Variants in CCDC191 observed in about 807,000 individuals in gnomAD.
CCDC191 encodes the protein coiled-coil domain containing 191, also known as coiled-coil domain-containing protein 191.
In CCDC191, 99 loss-of-function variants were observed where a neutral mutation model predicts 114.0. The ratio of observed to expected loss-of-function variants is 0.87; its 90% CI spans 0.74 to 1.03. CCDC191 has a LOEUF of 1.03. CCDC191 is among the 50% of genes least tolerant of loss of function. The pLI is 0.00. For synonymous variants in CCDC191, 351 were observed against 376.0 expected (o/e 0.93, Z 0.77); for missense variants, 973 against 1,087.0 (o/e 0.90, Z 1.47).
Position 114,042,834 on chromosome 3 carries a change from A to C in CCDC191, c.284T>G (p.Val95Gly). ...AAGTTTGGTGTCTAACCAGTCATTG[A>C]CCAGCTCCTGAGCTACAATAAAACA... Reference protein sequence around the residue: ...DEIYAEAQELVNDWLDTKLKQ... With the variant: ...DEIYAEAQELGNDWLDTKLKQ... Residue 95 changes from valine to glycine, a missense_variant, in exon 4 of 17, where the codon GTC becomes GGC. Physicochemically the swap from Val to Gly is moderately radical, Grantham distance 109. Transcript: ENST00000295878. The C allele has an allele frequency of 6.3e-7, 1 of 1,599,732 alleles. No individual in the cohort carries two copies. Among genetic ancestry groups the C allele is most frequent in the Non-Finnish European group, 8.5e-7 (1 of 1,175,438 alleles).
rs536409524 is a variant in CCDC191 at position 114,017,277 on chromosome 3, T to C, written c.1163+1401A>G. ...CCCATCTCTACCTAGGAACATCCTA[T>C]TGACCATGAAAAGCTCAGATCAAGG... On this transcript the variant is annotated intron_variant, in intron 8 of 16. Transcript: ENST00000295878. 5.4e-4 allele frequency among the ~76,000 whole-genome samples: 82 copies of C among 152,314 alleles called. No individual in the cohort carries two copies. In the Middle Eastern group the frequency reaches 0.01, roughly 19 times the overall value.
intron 7 of CCDC191, among the ~76,000 whole-genome samples, chr3:114,028,387 G>A (rs1331943815): frequency 2.0e-5 from 3 of 149,274 alleles, no homozygotes; most frequent in Non-Finnish European, 4.4e-5. Flanking sequence ...CTGGGTTCAC[G>A]CCATTCTCCT....
In CCDC191 at chr3:114,011,021, T is replaced by C. The variant is rs2076060827; in HGVS notation, c.1164A>G (p.Arg388=). The C allele has an allele frequency of 2.5e-6, 4 of 1,608,008 alleles. No individual in the cohort carries two copies. The highest frequency in any genetic ancestry group is 3.4e-6 in the Non-Finnish European group (4 of 1,176,706). The change falls in exon 9 of 17, where the codon AGA becomes AGG. Residue 388 remains arginine, a splice_region_variant and synonymous_variant. Transcript: ENST00000295878. Reference sequence around the variant, plus strand: ...TATACTCAGTGGCCAGTTGTTGTTTTCTAAGCAACAAAGCACTTCCATTAA... The same window carrying C: ...TATACTCAGTGGCCAGTTGTTGTTTCCTAAGCAACAAAGCACTTCCATTAA... ...ALENDLREEN[R]KQQLATEYNR...
At chr3:113,985,706 C>T (rs1347872369) in intron 13 of CCDC191, among the ~76,000 whole-genome samples, 1 of 152,088 alleles carries the variant, frequency 6.6e-6, no homozygotes, top group Non-Finnish European at 1.5e-5. Context: ...AAGGAAGACC[C>T]AAAACCAAAA....
At position 114,002,603 on chromosome 3, in the gene CCDC191, G is replaced by C; in HGVS notation, c.1979-65C>G. 4.3e-6 allele frequency: 6 copies of C among 1,381,466 alleles called. No homozygotes were observed. In the South Asian group the frequency reaches 5.3e-5, roughly 12 times the overall value. 85.6% of individuals were successfully genotyped at this position (1,381,466 alleles called of 1,614,324 possible). A position where few individuals can be genotyped will look rare whatever the true frequency, so the allele number is the denominator to read the frequency against. ...AAAAAATATGAGGAATACTGCAAGA[G>C]AAATGTCTCCATTTCATAGTAAAAT... On this transcript the variant is annotated intron_variant, in intron 11 of 16. Coordinates refer to ENST00000295878, the MANE Select transcript of CCDC191 (RefSeq NM_020817.2).
intron 4 of CCDC191, among the ~76,000 whole-genome samples, chr3:114,040,407 C>T (rs766543609): frequency 1.2e-4 from 18 of 152,116 alleles, no homozygotes; most frequent in Admixed American, 2.0e-4. Flanking sequence ...GCTTCATCTA[C>T]CTTGGGAGTC....
intron 15 of CCDC191, 75 bp from the exon 16 acceptor site, chr3:113,978,406 A>G: frequency 7.0e-7 from 1 of 1,434,148 alleles, no homozygotes; most frequent in Middle Eastern, 1.9e-4. Flanking sequence ...TAAACAGCAC[A>G]AAAGACAGAA....
At chr3:113,991,258 AC>A (rs368945475) in intron 13 of CCDC191, among the ~76,000 whole-genome samples, 9,216 of 113,754 alleles carry the variant, frequency 0.081, 364 homozygotes, top group Middle Eastern at 0.1. Context: ...AAACAAACAA[AC>A]CCCCCCCCCC....
chr3:113,969,690 C>G (rs1461429461), intron 16 of CCDC191, among the ~76,000 whole-genome samples: 3 of 152,058 alleles, frequency 2.0e-5, no homozygotes, highest in Non-Finnish European at 4.4e-5. Context: ...GTTCTCTATT[C>G]TATTTCATTG....
Position 114,034,941 on chromosome 3 carries a change from T to A in CCDC191, c.802A>T (p.Lys268Ter), listed in dbSNP as rs749037472. The A allele has an allele frequency of 3.1e-6, 5 of 1,613,850 alleles. No individual in the cohort carries two copies. In the African/African-American group the frequency reaches 5.3e-5, roughly 17 times the overall value. Residue 268 changes from lysine to a stop codon, truncating the protein, a stop_gained, in exon 6 of 17, where the codon AAA (lysine) becomes TAA (stop). Coordinates refer to ENST00000295878, the MANE Select transcript of CCDC191 (RefSeq NM_020817.2). LOFTEE classifies it high-confidence loss of function. ...CTGGCTTACATTTTCCATGCTGCTT[T>A]CACAGTGCGTCTCCTCTCAATTATC... ...REIIERRRTVKAAWKIEKKRQ... is the reference protein window; with the variant it reads ...REIIERRRTV
intron 13 of CCDC191, 33 bp from the exon 14 acceptor site, chr3:113,980,826 C>A (rs754513566): frequency 8.3e-6 from 13 of 1,571,080 alleles, no homozygotes; most frequent in Non-Finnish European, 1.1e-5. Context: ...ATGCTATGAT[C>A]AAAAAACGAA....
intron 13 of CCDC191, among the ~76,000 whole-genome samples, chr3:113,983,037 C>T (rs2075224536): frequency 6.6e-6 from 1 of 152,086 alleles, no homozygotes; most frequent in Non-Finnish European, 1.5e-5. Flanking sequence ...GAATGAGGCT[C>T]CTTTCCTAGA....
chr3:114,010,603 AAAAAG>A (rs2076052149), intron 9 of CCDC191, among the ~76,000 whole-genome samples, 164 bp downstream of exon 9: 3 of 152,364 alleles, frequency 2.0e-5, no homozygotes, highest in Non-Finnish European at 4.4e-5. Context: ...ATATGATTAT[AAAAAG>A]AAGATTCAAT....
At position 113,980,746 on chromosome 3, in the gene CCDC191, T is replaced by G. The variant is rs557579461; in HGVS notation, c.2211A>C (p.Glu737Asp). 2.4e-5 allele frequency: 38 copies of G among 1,611,078 alleles called. 1 individual carries two copies. In the South Asian group the frequency reaches 3.9e-4, roughly 16 times the overall value. The change falls in exon 14 of 17, where the codon GAA (glutamate) becomes GAC (aspartate). Residue 737 changes from glutamate to aspartate, a missense_variant. By Grantham distance (45) the Glu-to-Asp change is conservative. Transcript: ENST00000295878. ...TTTCATAATGTTCTTTGGCTATTGC[T>G]TCCAGCTGCTGGTTCCTCTTAATTC... ...QKRIKRNQQL[E>D]AIAKEHYERV...
In CCDC191 at chr3:113,964,671, CA is replaced by C. The variant is rs1327165678; in HGVS notation, c.*483del. ...AACCTTTTCATACATGGTCTGCCTT[CA>C]GGGGTGGTGAAAGTGGACGAGGTCT... On this transcript the variant is annotated 3_prime_UTR_variant, in exon 17 of 17. Coordinates refer to ENST00000295878, the MANE Select transcript of CCDC191 (RefSeq NM_020817.2). 2.0e-5 allele frequency: 3 copies of C among 152,270 alleles called. No homozygotes were observed. The highest frequency in any genetic ancestry group is 7.2e-5 in the African/African-American group (3 of 41,442). 9.4% of individuals were successfully genotyped at this position (152,270 alleles called of 1,614,324 possible). A position where few individuals can be genotyped will look rare whatever the true frequency, so the allele number is the denominator to read the frequency against.
At chr3:113,979,561 T>C (rs1175041846) in intron 14 of CCDC191, among the ~76,000 whole-genome samples, 2 of 152,190 alleles carry the variant, frequency 1.3e-5, no homozygotes, top group African/African-American at 2.4e-5. Context: ...AAAATAAACA[T>C]ACAAATCAGA....
chr3:114,047,136 AC>A (rs2076641576), intron 2 of CCDC191: 5 of 982,886 alleles, frequency 5.1e-6, no homozygotes, highest in Non-Finnish European at 6.0e-6. Context: ...GAGTAACCAC[AC>A]TTCAGCAAAT....
chr3:114,003,543 T>G, intron 11 of CCDC191: 1 of 985,418 alleles, frequency 1.0e-6, no homozygotes, highest in Non-Finnish European at 1.2e-6. Context: ...CCTTTGCCCA[T>G]CTTTTCTAGA....
In CCDC191 at chr3:114,005,769, GTC is replaced by G. The variant is rs768435774; in HGVS notation, c.1605_1606del (p.Glu535AspfsTer29). Reference sequence around the variant, plus strand: ...TGCTTTCTGGCTGGTAGTTCTGAGTGTCTCGTTGCTGCCAGGCTGTTGAGAGG... The same window carrying G: ...TGCTTTCTGGCTGGTAGTTCTGAGTGTCGTTGCTGCCAGGCTGTTGAGAGG... On this transcript the variant is annotated frameshift_variant, in exon 10 of 17. Coordinates refer to ENST00000295878, the MANE Select transcript of CCDC191 (RefSeq NM_020817.2). LOFTEE classifies it high-confidence loss of function. 16 of 1,614,108 alleles carry G rather than the reference GTC, an allele frequency of 9.9e-6. No individual in the cohort carries two copies. Among genetic ancestry groups the G allele is most frequent in the African/African-American group, 1.3e-5 (1 of 75,036 alleles).
Sources: gnomAD v4.1 joint callset for allele counts (sites outside exome capture counted in the v4.1 genomes callset) on GRCh38, gnomAD v4.1.1 for gene constraint, MANE v1.5 for transcripts, NCBI Gene and HGNC (gene_info 2026-07-23, HGNC 2026-07-21) for gene names.